Variants in PATL1 observed in about 807,000 individuals in gnomAD.
PATL1 encodes protein PAT1 homolog 1.
In PATL1, 32 loss-of-function variants were observed where a neutral mutation model predicts 100.6. The observed-to-expected ratio is 0.32, with a 90% CI of 0.24 to 0.43. The LOEUF (loss-of-function observed/expected upper bound fraction) is 0.43. Among genes scored for constraint, PATL1 ranks in the 20% least tolerant of loss-of-function variants. PATL1 has a pLI of 1.00. For synonymous variants in PATL1, 332 were observed against 330.0 expected (o/e 1.01, Z -0.07); for missense variants, 747 against 949.9 (o/e 0.79, Z 2.81).
chr11:59,650,288 A>AAAGT (rs1565132546), intron 13 of PATL1, among the ~76,000 whole-genome samples: 6 of 152,250 alleles, frequency 3.9e-5, no homozygotes, highest in Non-Finnish European at 7.3e-5. Flanking sequence ...TTGGTTCTAG[A>AAAGT]GTCCATACTT....
intron 1 of PATL1, 127 bp downstream of exon 1, chr11:59,668,754 G>C: frequency 1.9e-6 from 1 of 521,644 alleles, no homozygotes; most frequent in South Asian, 2.0e-5. Flanking sequence ...GTCGCGTCCA[G>C]CTAAGTCCTG....
In PATL1 at chr11:59,668,825, T is replaced by TGAGGGAGAGGGGCGCGGGAGG. The variant is rs1432081010; in HGVS notation, c.15+35_15+55dup. 109 of 994,738 alleles carry TGAGGGAGAGGGGCGCGGGAGG rather than the reference T, an allele frequency of 1.1e-4. 1 individual carries two copies. Among genetic ancestry groups the TGAGGGAGAGGGGCGCGGGAGG allele is most frequent in the South Asian group, 1.1e-3 (73 of 67,592 alleles). 61.6% of individuals were successfully genotyped at this position (994,738 alleles called of 1,614,324 possible). On this transcript the variant is annotated intron_variant, in intron 1 of 18. Coordinates refer to ENST00000300146, the MANE Select transcript of PATL1 (RefSeq NM_152716.3). Reference sequence around the variant, plus strand: ...ACAGGACCGGCGCGCGGAGAGAGAGTGAGGGAGAGGGGCGCGGGAGGGAGG... The same window carrying TGAGGGAGAGGGGCGCGGGAGG: ...ACAGGACCGGCGCGCGGAGAGAGAGTGAGGGAGAGGGGCGCGGGAGGGAGGGAGAGGGGCGCGGGAGGGAGG...
intron 15 of PATL1, among the ~76,000 whole-genome samples, chr11:59,644,267 G>A (rs1418240505): frequency 6.6e-6 from 1 of 151,902 alleles, no homozygotes; most frequent in African/African-American, 2.4e-5. Flanking sequence ...ACATCAGTTT[G>A]TATTTCTAAC....
intron 2 of PATL1, among the ~76,000 whole-genome samples, chr11:59,662,629 G>GT (rs1241888744): frequency 6.6e-6 from 1 of 152,114 alleles, no homozygotes. Flanking sequence ...AGGATAAATT[G>GT]TTTTTTGCAA....
Position 59,667,035 on chromosome 11 carries a change from T to C in PATL1, c.16-71A>G. 6.7e-6 allele frequency: 10 copies of C among 1,497,356 alleles called. No homozygotes were observed. In the South Asian group the frequency reaches 1.3e-4, roughly 19 times the overall value. The allele number at this position is 1,497,356 out of a possible 1,614,324, so 92.8% of individuals were successfully genotyped here. A position where few individuals can be genotyped will look rare whatever the true frequency, so the allele number is the denominator to read the frequency against. On this transcript the variant is annotated intron_variant, in intron 1 of 18. Coordinates refer to ENST00000300146, the MANE Select transcript of PATL1 (RefSeq NM_152716.3). ...TCATTTTAAAAATGTTCTAAAAATG[T>C]TCATCTTACCTTCTCAATGAACATA...
At chr11:59,659,006 C>T (rs1861589172) in intron 3 of PATL1, 60 bp from the exon 4 acceptor site, 2 of 1,415,326 alleles carry the variant, frequency 1.4e-6, no homozygotes, top group East Asian at 5.0e-5. Context: ...GGTGACTTAT[C>T]TGCTGCTGGG....
In PATL1 at chr11:59,647,750, T is replaced by A. The variant is rs1444514670; in HGVS notation, c.1893+4A>T. 4 of 1,613,816 alleles carry A rather than the reference T, an allele frequency of 2.5e-6. No homozygotes were observed. The Admixed American group carries it at 6.7e-5, about 27-fold the overall frequency. On this transcript the variant is annotated splice_donor_region_variant and intron_variant, in intron 15 of 18. Transcript: ENST00000300146. ...AAGAAAGATGTCCCATCTTGCATAG[T>A]CACCTCATCTTGTGCATCCTTCTTG...
intron 15 of PATL1, among the ~76,000 whole-genome samples, chr11:59,644,340 T>A (rs963183945): frequency 6.6e-6 from 1 of 151,596 alleles, no homozygotes; most frequent in Admixed American, 6.6e-5. Context: ...AGACCATTTC[T>A]CAGGAAAGAA....
intron 2 of PATL1, among the ~76,000 whole-genome samples, chr11:59,662,118 T>G (rs1484008120): frequency 6.6e-6 from 1 of 152,136 alleles, no homozygotes; most frequent in Admixed American, 6.6e-5. Flanking sequence ...ATCCAAAGAG[T>G]GAGGGAAGTG....
chr11:59,649,728 A>ATTT, intron 13 of PATL1, 118 bp from the exon 14 acceptor site: 7 of 873,892 alleles, frequency 8.0e-6, no homozygotes, highest in Non-Finnish European at 1.1e-5. Flanking sequence ...AAAGACTGAG[A>ATTT]TTTTTTTTTT....
Position 59,656,607 on chromosome 11 carries a change from G to A in PATL1, c.622-7C>T. ...CAGGCTTCGGACACAGAATCTATCA[G>A]GACAAACATATATACAACTACACTC... On this transcript the variant is annotated splice_polypyrimidine_tract_variant and splice_region_variant and intron_variant, in intron 5 of 18. Coordinates refer to ENST00000300146, the MANE Select transcript of PATL1 (RefSeq NM_152716.3). 2 of 1,610,112 alleles carry A rather than the reference G, an allele frequency of 1.2e-6. No individual in the cohort carries two copies. The highest frequency in any genetic ancestry group is 1.7e-6 in the Non-Finnish European group (2 of 1,176,484).
intron 15 of PATL1, among the ~76,000 whole-genome samples, chr11:59,644,314 A>G (rs1395886307): frequency 2.0e-5 from 3 of 152,016 alleles, no homozygotes; most frequent in Non-Finnish European, 4.4e-5. Context: ...CAAAATAAAC[A>G]ATAATTTTTC....
chr11:59,658,321 GT>G (rs775993556), intron 4 of PATL1, among the ~76,000 whole-genome samples: 105 of 144,890 alleles, frequency 7.2e-4, no homozygotes, highest in Admixed American at 8.3e-4. Flanking sequence ...ATAGAAATGA[GT>G]TTTTTTTTTT....
At position 59,668,964 on chromosome 11, in the gene PATL1, C is replaced by T; in HGVS notation, c.-69G>A. ...GAGGGAAGAAGCGCTGACTCCCCGG[C>T]TCCTCCGCGCGCGGGTCCTCCACCG... On this transcript the variant is annotated 5_prime_UTR_variant, in exon 1 of 19. Transcript: ENST00000300146. The T allele has an allele frequency of 2.9e-6, 1 of 340,014 alleles. No individual in the cohort carries two copies. The highest frequency in any genetic ancestry group is 4.9e-5 in the East Asian group (1 of 20,396). 21.1% of individuals were successfully genotyped at this position (340,014 alleles called of 1,614,324 possible).
intron 15 of PATL1, among the ~76,000 whole-genome samples, chr11:59,646,212 T>C (rs1175415742): frequency 6.6e-6 from 1 of 152,128 alleles, no homozygotes; most frequent in East Asian, 1.9e-4. Flanking sequence ...TTTAGTCTGG[T>C]CTTCTATTTT....
At chr11:59,658,104 CAG>C (rs1244344618) in intron 4 of PATL1, among the ~76,000 whole-genome samples, 1 of 150,992 alleles carries the variant, frequency 6.6e-6, no homozygotes, top group Non-Finnish European at 1.5e-5. Context: ...TTCAAGGTTA[CAG>C]AGAGCTATGA....
chr11:59,658,989 C>A, intron 3 of PATL1, 43 bp from the exon 4 acceptor site: 1 of 1,484,036 alleles, frequency 6.7e-7, no homozygotes, highest in South Asian at 1.3e-5. Context: ...ATGTTGTATA[C>A]TCTCTGGGTG....
intron 14 of PATL1, among the ~76,000 whole-genome samples, chr11:59,648,662 C>T (rs1207930258): frequency 1.3e-5 from 2 of 151,512 alleles, no homozygotes; most frequent in African/African-American, 2.4e-5. Context: ...GGTTTTGTAC[C>T]TTGACTTTTT....
Position 59,660,220 on chromosome 11 carries a change from C to T in PATL1, c.128-751G>A, listed in dbSNP as rs554322813. 3.9e-5 allele frequency among the ~76,000 whole-genome samples: 6 copies of T among 152,274 alleles called. No individual in the cohort carries two copies. In the South Asian group the frequency reaches 1.0e-3, roughly 26 times the overall value. On this transcript the variant is annotated intron_variant, in intron 2 of 18. Transcript: ENST00000300146. ...TTCTTTACATGCTTTTGAATCCATT[C>T]GTTCCATTCAATTAATATTTGGTAA...
Sources: allele counts gnomAD v4.1 joint callset (sites outside exome capture counted in the v4.1 genomes callset), GRCh38; gene constraint gnomAD v4.1.1; transcripts MANE v1.5; gene names NCBI Gene and HGNC (gene_info 2026-07-23, HGNC 2026-07-21).